SPMIP11: variants seen among roughly 807,000 people sequenced by gnomAD.
SPMIP11 encodes the protein sperm microtubule inner protein 11.
chr12:48,752,417 C>T, the SPMIP11 span, among the ~76,000 whole-genome samples: 1 of 152,162 alleles, frequency 6.6e-6, no homozygotes, highest in African/African-American at 2.4e-5. Context: ...AGCACCCCGA[C>T]CAGTGACCAG....
the SPMIP11 span, among the ~76,000 whole-genome samples, chr12:48,730,717 C>A: frequency 6.6e-6 from 1 of 152,088 alleles, no homozygotes; most frequent in African/African-American, 2.4e-5. Flanking sequence ...GCGGGTGGAT[C>A]ACCTGAGGTC....
At chr12:48,743,933 C>CAAAAAAAAAAAA in the SPMIP11 span, among the ~76,000 whole-genome samples, 9 of 34,888 alleles carry the variant, frequency 2.6e-4, 1 homozygote, top group African/African-American at 1.0e-3. Context: ...GACTTCGTCT[C>CAAAAAAAAAAAA]AAAAAAAAAA....
At chr12:48,756,245 T>C in the SPMIP11 span, among the ~76,000 whole-genome samples, 1 of 152,134 alleles carries the variant, frequency 6.6e-6, no homozygotes, top group Non-Finnish European at 1.5e-5. Context: ...CAAATTCAAA[T>C]ACCGGCTCAA....
chr12:48,733,217 G>C, the SPMIP11 span, among the ~76,000 whole-genome samples: 1 of 151,352 alleles, frequency 6.6e-6, no homozygotes, highest in African/African-American at 2.4e-5. Context: ...TGGTATTACA[G>C]GCACCTGCCA....
chr12:48,728,624 T>C, the SPMIP11 span, among the ~76,000 whole-genome samples: 16 of 142,426 alleles, frequency 1.1e-4, no homozygotes, highest in South Asian at 2.2e-4. Context: ...AGGAGAATGG[T>C]GTGAACCCGG....
At chr12:48,755,963 G>A in the SPMIP11 span, among the ~76,000 whole-genome samples, 6 of 148,638 alleles carry the variant, frequency 4.0e-5, no homozygotes, top group Admixed American at 2.0e-4. Context: ...CTGCAAGCTC[G>A]GCCTCCTGGG....
chr12:48,752,346 G>T, the SPMIP11 span, among the ~76,000 whole-genome samples: 18 of 152,198 alleles, frequency 1.2e-4, 1 homozygote, highest in African/African-American at 3.9e-4. Flanking sequence ...ACGCTGGCTG[G>T]CTTCAAAGGA....
chr12:48,736,195 G>A, the SPMIP11 span: 1 of 383,004 alleles, frequency 2.6e-6, no homozygotes, highest in Non-Finnish European at 5.1e-6. Flanking sequence ...CTTGAGCCCA[G>A]GAATTAGAGA....
chr12:48,756,157 A>G, the SPMIP11 span, among the ~76,000 whole-genome samples: 2 of 151,936 alleles, frequency 1.3e-5, no homozygotes, highest in East Asian at 1.9e-4. Context: ...TGCTGGGATT[A>G]CAGGCATGAG....
chr12:48,770,274 G>A, the SPMIP11 span, among the ~76,000 whole-genome samples: 1 of 152,056 alleles, frequency 6.6e-6, no homozygotes, highest in Non-Finnish European at 1.5e-5. Flanking sequence ...GGTAACTGAA[G>A]CTTAGAGAAG....
the SPMIP11 span, among the ~76,000 whole-genome samples, chr12:48,770,194 G>A: frequency 3.3e-5 from 5 of 150,706 alleles, no homozygotes; most frequent in Admixed American, 6.6e-5. Flanking sequence ...ATGATCCACC[G>A]CGCCCGGCAT....
chr12:48,731,868 G>A, the SPMIP11 span, among the ~76,000 whole-genome samples: 2 of 152,056 alleles, frequency 1.3e-5, no homozygotes, highest in Non-Finnish European at 2.9e-5. Context: ...TCAAACTTTG[G>A]CCAGGCGCAA....
At chr12:48,757,899 C>A in the SPMIP11 span, among the ~76,000 whole-genome samples, 1 of 151,842 alleles carries the variant, frequency 6.6e-6, no homozygotes, top group Admixed American at 6.6e-5. Context: ...CAGGCTGATG[C>A]AGGAGAATCG....
the SPMIP11 span, among the ~76,000 whole-genome samples, chr12:48,733,999 T>C: frequency 6.6e-6 from 1 of 152,112 alleles, no homozygotes; most frequent in Non-Finnish European, 1.5e-5. Context: ...CTCGAACTCC[T>C]GGCCTCAAGT....
chr12:48,732,591 G>A, the SPMIP11 span, among the ~76,000 whole-genome samples: 3 of 151,662 alleles, frequency 2.0e-5, no homozygotes, highest in Non-Finnish European at 2.9e-5. Context: ...CCAACATGGT[G>A]AAACCCCGTC....
chr12:48,752,669 CTT>C, the SPMIP11 span, among the ~76,000 whole-genome samples: 25,178 of 118,890 alleles, frequency 0.21, 2,906 homozygotes, highest in East Asian at 0.61. Flanking sequence ...CCTATTTATT[CTT>C]TTTTTTTTTT....
chr12:48,762,856 G>A, the SPMIP11 span, among the ~76,000 whole-genome samples: 1 of 152,250 alleles, frequency 6.6e-6, no homozygotes, highest in Non-Finnish European at 1.5e-5. Flanking sequence ...TTTGTAAGCT[G>A]TAACCATTGT....
chr12:48,762,730 C>T, the SPMIP11 span, among the ~76,000 whole-genome samples: 3 of 151,864 alleles, frequency 2.0e-5, no homozygotes, highest in Admixed American at 6.6e-5. Flanking sequence ...ATTTCCAAAG[C>T]GGGGCAGTGG....
At chr12:48,736,609 G>A in the SPMIP11 span, among the ~76,000 whole-genome samples, 2 of 151,728 alleles carry the variant, frequency 1.3e-5, no homozygotes, top group East Asian at 3.9e-4. Context: ...AGTCTAGACT[G>A]TTCATTCTCA....
Sources: gnomAD v4.1 joint callset for allele counts (sites outside exome capture counted in the v4.1 genomes callset) on GRCh38, gnomAD v4.1.1 for gene constraint, MANE v1.5 for transcripts, NCBI Gene and HGNC (gene_info 2026-07-23, HGNC 2026-07-21) for gene names.